AKAP6: variants seen among roughly 807,000 people sequenced by gnomAD.
The protein encoded by AKAP6 is A-kinase anchor protein 6.
Under a neutral mutation model 188.5 loss-of-function variants are expected in AKAP6, and 58 were observed. The ratio of observed to expected loss-of-function variants is 0.31; its 90% confidence interval spans 0.25 to 0.38. AKAP6 has a LOEUF of 0.38. Among genes scored for constraint, AKAP6 ranks in the 10% least tolerant of loss-of-function variants. The pLI is 1.00. For missense variants in AKAP6, 2,710 were observed against 2,740.0 expected (o/e 0.99, Z 0.24); for synonymous variants, 989 against 998.6 (o/e 0.99, Z 0.18).
chr14:32,511,533 G>A lies in AKAP6; in HGVS notation c.325-24021G>A, dbSNP rs11848751. 4.0e-3 allele frequency among the ~76,000 whole-genome samples: 604 copies of A among 152,114 alleles called. 5 individuals are homozygous for A. Among genetic ancestry groups the A allele is most frequent in the African/African-American group, 0.013 (534 of 41,496 alleles). On this transcript the variant is annotated intron_variant, in intron 2 of 13. Transcript: ENST00000280979. ...TGGGACTACAGGTATGTGCCACCAC[G>A]CCTGGCTAATTTTTGTATTTTTTAA... is the stretch of plus-strand genomic sequence containing the variant.
intron 5 of AKAP6, among the ~76,000 whole-genome samples, 200 bp from the exon 6 acceptor site, chr14:32,599,210 A>G (rs1885823445): frequency 6.6e-6 from 1 of 152,188 alleles, no homozygotes; most frequent in African/African-American, 2.4e-5. Flanking sequence ...GCTGTTTCCA[A>G]ACAGATGCAC....
intron 2 of AKAP6, among the ~76,000 whole-genome samples, chr14:32,440,422 A>G (rs1890533054): frequency 6.6e-6 from 1 of 152,076 alleles, no homozygotes; most frequent in Non-Finnish European, 1.5e-5. Context: ...TGGCGAACAT[A>G]TACATATGTA....
intron 7 of AKAP6, among the ~76,000 whole-genome samples, chr14:32,612,027 AG>A (rs1886370521): frequency 6.6e-6 from 1 of 152,130 alleles, no homozygotes; most frequent in South Asian, 2.1e-4. Context: ...GAATAGAGGG[AG>A]GGTTGAAGCT....
intron 8 of AKAP6, among the ~76,000 whole-genome samples, chr14:32,686,139 G>A (rs66481544): frequency 0.28 from 43,248 of 152,082 alleles, 6,540 homozygotes; most frequent in South Asian, 0.39. Context: ...CATTTGCAAC[G>A]ACGTGATGGA....
chr14:32,572,639 A>T (rs1205271856), intron 4 of AKAP6, among the ~76,000 whole-genome samples: 1 of 152,234 alleles, frequency 6.6e-6, no homozygotes, highest in Non-Finnish European at 1.5e-5. Context: ...GCACTTTGCA[A>T]GATTTGACTG....
At chr14:32,363,655 T>C (rs545704467) in intron 1 of AKAP6, among the ~76,000 whole-genome samples, 1 of 152,308 alleles carries the variant, frequency 6.6e-6, no homozygotes, top group Non-Finnish European at 1.5e-5. Flanking sequence ...CTTTCCACTT[T>C]TTTTCTGCCT....
rs1566546579 is a variant in AKAP6, at chr14:32,510,422, A to ATATGTG, written c.325-25130_325-25129insTGTGTA. The stretch of plus-strand genomic sequence containing the variant: ...TATATATGTATATATATGTATATAT[A>ATATGTG]TACATATATATATGTGTATATATAT... On this transcript the variant is annotated intron_variant, in intron 2 of 13. Coordinates refer to ENST00000280979, the MANE Select transcript of AKAP6 (RefSeq NM_004274.5). 9.4e-3 allele frequency among the ~76,000 whole-genome samples: 830 copies of ATATGTG among 88,670 alleles called. 14 individuals carry two copies. Among genetic ancestry groups the ATATGTG allele is most frequent in the Non-Finnish European group, 0.015 (658 of 43,708 alleles). 58.2% of individuals were successfully genotyped at this position (88,670 alleles called of 152,430 possible).
At chr14:32,573,631 C>A (rs1357088170) in intron 4 of AKAP6, among the ~76,000 whole-genome samples, 1 of 152,100 alleles carries the variant, frequency 6.6e-6, no homozygotes, top group Non-Finnish European at 1.5e-5. Flanking sequence ...TGTGCTTTTT[C>A]ACACATAGAA....
At chr14:32,585,497 T>C (rs1448777575) in intron 5 of AKAP6, among the ~76,000 whole-genome samples, 5 of 151,932 alleles carry the variant, frequency 3.3e-5, no homozygotes, top group East Asian at 3.9e-4. Flanking sequence ...TATATATGTG[T>C]GTGTGTGTGT....
At chr14:32,552,787 G>A (rs1883532971) in intron 4 of AKAP6, among the ~76,000 whole-genome samples, 1 of 152,206 alleles carries the variant, frequency 6.6e-6, no homozygotes, top group African/African-American at 2.4e-5. Flanking sequence ...GATTGAAGTA[G>A]CTAGAAAGAC....
chr14:32,781,972 G>T (rs1241077164), intron 12 of AKAP6, among the ~76,000 whole-genome samples: 1 of 152,016 alleles, frequency 6.6e-6, no homozygotes, highest in Non-Finnish European at 1.5e-5. Flanking sequence ...AGACCAGCCT[G>T]GTCAACATGG....
chr14:32,395,900 C>T (rs1888864188), intron 1 of AKAP6, among the ~76,000 whole-genome samples: 1 of 152,108 alleles, frequency 6.6e-6, no homozygotes, highest in South Asian at 2.1e-4. Context: ...GAGATGAGGA[C>T]CCACTGTTAT....
chr14:32,814,640 C>T (rs147728846), intron 12 of AKAP6, among the ~76,000 whole-genome samples: 118 of 152,328 alleles, frequency 7.7e-4, no homozygotes, highest in African/African-American at 2.7e-3. Flanking sequence ...CCCTCAGAAC[C>T]TTTCTCCAGA....
At chr14:32,488,110 T>C (rs2138931989) in intron 2 of AKAP6, among the ~76,000 whole-genome samples, 1 of 152,350 alleles carries the variant, frequency 6.6e-6, no homozygotes, top group African/African-American at 2.4e-5. Flanking sequence ...AATTTAAGTC[T>C]GCTAAAGCTG....
chr14:32,788,983 A>G (rs955518511), intron 12 of AKAP6, among the ~76,000 whole-genome samples: 1 of 152,182 alleles, frequency 6.6e-6, no homozygotes, highest in African/African-American at 2.4e-5. Flanking sequence ...TCCTGGGGAG[A>G]GGGTCGGCCA....
chr14:32,529,662 G>A (rs1882306319), intron 2 of AKAP6, among the ~76,000 whole-genome samples: 1 of 152,156 alleles, frequency 6.6e-6, no homozygotes, highest in Admixed American at 6.5e-5. Context: ...CTCCTTTACT[G>A]AGAGGGATAG....
At chr14:32,609,749 C>T (rs1435163082) in intron 7 of AKAP6, among the ~76,000 whole-genome samples, 3 of 152,008 alleles carry the variant, frequency 2.0e-5, no homozygotes, top group African/African-American at 4.8e-5. Context: ...AAGCATGTGT[C>T]CAGTGAAATG....
chr14:32,825,462 G>C (rs1451326875), intron 13 of AKAP6, among the ~76,000 whole-genome samples: 2 of 152,190 alleles, frequency 1.3e-5, no homozygotes, highest in Non-Finnish European at 2.9e-5. Flanking sequence ...CAAATGCAGA[G>C]AGAATACATG....
At chr14:32,540,496 G>A (rs1011340656) in intron 3 of AKAP6, among the ~76,000 whole-genome samples, 1 of 152,034 alleles carries the variant, frequency 6.6e-6, no homozygotes, top group Non-Finnish European at 1.5e-5. Context: ...ACTGCGCCTG[G>A]CCTGCTTCAT....
Sources: allele counts gnomAD v4.1 joint callset (sites outside exome capture counted in the v4.1 genomes callset), GRCh38; gene constraint gnomAD v4.1.1; transcripts MANE v1.5; gene names NCBI Gene and HGNC (gene_info 2026-07-23, HGNC 2026-07-21).